SP6: variants seen among roughly 807,000 people sequenced by gnomAD.
The protein encoded by SP6 is transcription factor Sp6.
SP6 carries 10 observed loss-of-function variants against 23.4 expected under a neutral mutation model. The ratio of observed to expected loss-of-function variants is 0.43; its 90% CI spans 0.26 to 0.72. The LOEUF is 0.72. SP6 is among the 30% of genes least tolerant of loss of function. The probability of loss-of-function intolerance (pLI) is 0.23; values close to 1 mark genes in which losing one functional copy is unlikely to be tolerated. For synonymous variants in SP6, 238 were observed against 238.7 expected (o/e 1.00, Z 0.03); for missense variants, 482 against 523.8 (o/e 0.92, Z 0.78).
rs1252346819 is a variant in SP6, at chr17:47,851,128, A to T, written c.-267T>A. The T allele has an allele frequency of 6.6e-6, 1 of 152,326 alleles. No individual in the cohort carries two copies. Among genetic ancestry groups the T allele is most frequent in the African/African-American group, 2.4e-5 (1 of 41,448 alleles). The allele number at this position is 152,326 out of a possible 1,614,324, so 9.4% of individuals were successfully genotyped here. A position where few individuals can be genotyped will look rare whatever the true frequency, so the allele number is the denominator to read the frequency against. ...GGCGGGCAGGAGCCAGCGAGCGAAC[A>T]AGGCCAGCTCCGCCCGTGACTCACC... On this transcript the variant is annotated 5_prime_UTR_variant, in exon 1 of 2. Transcript: ENST00000536300.
chr17:47,860,767 A>C (rs1309383872), upstream of SP6, among the ~76,000 whole-genome samples: 1 of 151,702 alleles, frequency 6.6e-6, no homozygotes, highest in Non-Finnish European at 1.5e-5. Context: ...TTGTCACATC[A>C]CTGAGAGTTG....
At position 47,847,185 on chromosome 17, in the gene SP6, C is replaced by T. The variant is rs1054774846; in HGVS notation, c.*114G>A. ...TGTCCCTGCACCACTTTTCCTCCTC[C>T]CTGAATAAATACGCACCTTCCCCTC... On this transcript the variant is annotated 3_prime_UTR_variant, in exon 2 of 2. Transcript: ENST00000536300. 8.8e-7 allele frequency: 1 copy of T among 1,142,336 alleles called. No homozygotes were observed. Among genetic ancestry groups the T allele is most frequent in the Non-Finnish European group, 1.2e-6 (1 of 831,416 alleles). 70.8% of individuals were successfully genotyped at this position (1,142,336 alleles called of 1,614,324 possible).
the SP6 span, among the ~76,000 whole-genome samples, chr17:47,863,824 C>T: frequency 2.7e-5 from 4 of 149,084 alleles, no homozygotes; most frequent in African/African-American, 9.9e-5. Flanking sequence ...CTGCAAGCTC[C>T]GCCTCCTGGG....
the SP6 span, among the ~76,000 whole-genome samples, chr17:47,874,262 A>AT: frequency 6.6e-6 from 1 of 151,460 alleles, no homozygotes; most frequent in Non-Finnish European, 1.5e-5. Flanking sequence ...AATTTTAAAA[A>AT]TTTTTTTCTG....
At chr17:47,858,294 CCA>C (rs1279022457), upstream of SP6, among the ~76,000 whole-genome samples, 1 of 152,146 alleles carries the variant, frequency 6.6e-6, no homozygotes, top group East Asian at 1.9e-4. Flanking sequence ...TTCCCTTTTC[CCA>C]CCCACCAACT....
chr17:47,856,305 T>G (rs936361953), upstream of SP6, among the ~76,000 whole-genome samples: 1 of 152,228 alleles, frequency 6.6e-6, no homozygotes, highest in Non-Finnish European at 1.5e-5. Context: ...ATCTATCTTT[T>G]GGACCTGGGA....
chr17:47,852,781 C>T (rs2033970791), upstream of SP6, among the ~76,000 whole-genome samples: 1 of 152,184 alleles, frequency 6.6e-6, no homozygotes, highest in Non-Finnish European at 1.5e-5. Flanking sequence ...CTGTGCATCT[C>T]CCTCTTTTCT....
At chr17:47,857,188 C>G (rs2034003759), upstream of SP6, among the ~76,000 whole-genome samples, 1 of 152,126 alleles carries the variant, frequency 6.6e-6, no homozygotes, top group Non-Finnish European at 1.5e-5. Context: ...GGAACCCAGG[C>G]ATCAGGACTG....
rs1306461535 is a variant in SP6, at chr17:47,845,081, G to T, written c.*2218C>A. The T allele has an allele frequency of 6.6e-6, 1 of 152,294 alleles. No individual in the cohort carries two copies. Among genetic ancestry groups the T allele is most frequent in the African/African-American group, 2.4e-5 (1 of 41,446 alleles). The allele number at this position is 152,294 out of a possible 1,614,324, so 9.4% of individuals were successfully genotyped here. On this transcript the variant is annotated 3_prime_UTR_variant, in exon 2 of 2. Coordinates refer to ENST00000536300, the MANE Select transcript of SP6 (RefSeq NM_001258248.2). ...AGCAGCCTAGATCTATAAAAGAGGG[G>T]AGCAGAAGAAAACCTATCCAAAGCC...
In SP6 at chr17:47,847,445, G is replaced by C; in HGVS notation, c.985C>G (p.Leu329Val). 1 of 1,613,732 alleles carries C rather than the reference G, an allele frequency of 6.2e-7. No individual in the cohort carries two copies. The highest frequency in any genetic ancestry group is 8.5e-7 in the Non-Finnish European group (1 of 1,179,914). Residue 329 changes from leucine (L) to valine (V), a missense_variant, in exon 2 of 2, where the codon CTG becomes GTG. Around this residue, in one of 3 missense-constraint regions of SP6, gnomAD observed 101 missense variants for 99.3 expected, o/e 1.02. Transcript: ENST00000536300. The stretch of plus-strand genomic sequence containing the variant: ...TCGTGGGTTTTCATGTGCTTGGCCA[G>C]GTGGTCGCTGCGCATGAAGACGCGG... ...CSRVFMRSDH[L>V]AKHMKTHEGA...
chr17:47,864,088 C>T, the SP6 span, among the ~76,000 whole-genome samples: 1 of 149,230 alleles, frequency 6.7e-6, no homozygotes, highest in Non-Finnish European at 1.5e-5. Flanking sequence ...AGGTGATCCA[C>T]TCACCTTGGC....
At chr17:47,866,488 A>G in the SP6 span, among the ~76,000 whole-genome samples, 1 of 152,160 alleles carries the variant, frequency 6.6e-6, no homozygotes, top group African/African-American at 2.4e-5. Flanking sequence ...CCTGCCAGAG[A>G]TGACGCAGGC....
chr17:47,876,031 C>T, the SP6 span, among the ~76,000 whole-genome samples: 1 of 152,034 alleles, frequency 6.6e-6, no homozygotes, highest in Non-Finnish European at 1.5e-5. Context: ...TGCCCTGTTG[C>T]CAAAAAACCC....
At chr17:47,861,720 G>C in the SP6 span, among the ~76,000 whole-genome samples, 1 of 151,768 alleles carries the variant, frequency 6.6e-6, no homozygotes, top group South Asian at 2.1e-4. Context: ...GTCTCACTCA[G>C]ACAGAGTGAG....
chr17:47,865,918 T>A, the SP6 span, among the ~76,000 whole-genome samples: 1 of 152,076 alleles, frequency 6.6e-6, no homozygotes, highest in Non-Finnish European at 1.5e-5. Context: ...ATGGGTAATT[T>A]TTCTCTCCCC....
At chr17:47,853,501 C>T (rs544545470), upstream of SP6, among the ~76,000 whole-genome samples, 6 of 152,340 alleles carry the variant, frequency 3.9e-5, no homozygotes, top group South Asian at 1.2e-3. Flanking sequence ...GCTGCATCTA[C>T]TGTTCCTAAG....
chr17:47,852,399 G>T (rs907916322), upstream of SP6, among the ~76,000 whole-genome samples: 1 of 152,226 alleles, frequency 6.6e-6, no homozygotes, highest in Non-Finnish European at 1.5e-5. Context: ...CTCCCATGCC[G>T]CAGTGTTGAT....
chr17:47,869,958 A>G, the SP6 span, among the ~76,000 whole-genome samples: 1 of 152,208 alleles, frequency 6.6e-6, no homozygotes. Context: ...TGATTCCTTT[A>G]AGGGGCTCTC....
chr17:47,874,279 C>A, the SP6 span, among the ~76,000 whole-genome samples: 1 of 151,950 alleles, frequency 6.6e-6, no homozygotes, highest in Non-Finnish European at 1.5e-5. Context: ...TCTGTAGAGG[C>A]TGGGTTTCAT....
Sources: gnomAD v4.1 joint callset for allele counts (sites outside exome capture counted in the v4.1 genomes callset) on GRCh38, gnomAD v4.1.1 for gene constraint, gnomAD v4.1.1 regional missense constraint, MANE v1.5 for transcripts, NCBI Gene and HGNC (gene_info 2026-07-23, HGNC 2026-07-21) for gene names.